Variants in GALNT18 observed in about 807,000 individuals in gnomAD.
GALNT18 encodes the protein GalNAc-transferase 18.
GALNT18 carries 44 observed loss-of-function variants against 69.5 expected under a neutral mutation model. The observed-to-expected ratio is 0.63, with a 90% CI of 0.50 to 0.81. The LOEUF (loss-of-function observed/expected upper bound fraction) is 0.81, where lower values mean the gene tolerates loss of function less well. GALNT18 is among the 40% of genes least tolerant of loss of function. The pLI is 0.00. For missense variants in GALNT18, 715 were observed against 810.0 expected (o/e 0.88, Z 1.42); for synonymous variants, 364 against 318.2 (o/e 1.14, Z -1.53).
chr11:11,324,725 T>C (rs1050220725), intron 9 of GALNT18, among the ~76,000 whole-genome samples: 13 of 152,216 alleles, frequency 8.5e-5, no homozygotes, highest in Non-Finnish European at 1.5e-4. Flanking sequence ...TGTCTATTCA[T>C]GTCCTTTGGC....
intron 1 of GALNT18, among the ~76,000 whole-genome samples, chr11:11,488,256 G>C (rs985638506): frequency 3.9e-5 from 6 of 152,206 alleles, no homozygotes; most frequent in Non-Finnish European, 8.8e-5. Context: ...TACTCCTCCT[G>C]CAGGCTCTCG....
intron 9 of GALNT18, among the ~76,000 whole-genome samples, chr11:11,300,252 T>TG (rs1470225346): frequency 6.6e-6 from 1 of 152,160 alleles, no homozygotes; most frequent in Non-Finnish European, 1.5e-5. Flanking sequence ...GAGGTATCTT[T>TG]GGGGCATTTA....
chr11:11,455,443 A>G (rs574891781), intron 1 of GALNT18, among the ~76,000 whole-genome samples: 1 of 152,144 alleles, frequency 6.6e-6, no homozygotes, highest in African/African-American at 2.4e-5. Flanking sequence ...AAGGCTTCCT[A>G]AAGGAAAAGA....
intron 2 of GALNT18, among the ~76,000 whole-genome samples, chr11:11,433,054 A>G (rs1447924207): frequency 6.6e-6 from 1 of 152,278 alleles, no homozygotes; most frequent in Admixed American, 6.5e-5. Flanking sequence ...TTAGGACAGC[A>G]CATGGCAGCT....
Position 11,432,651 on chromosome 11 carries a change from T to C in GALNT18, c.565A>G (p.Ile189Val), listed in dbSNP as rs762459442. The change falls in exon 3 of 11, where the codon ATC becomes GTC. Residue 189 changes from isoleucine to valine, a missense_variant. Ile to Val is a conservative substitution (Grantham distance 29). Coordinates refer to ENST00000227756, the MANE Select transcript of GALNT18 (RefSeq NM_198516.3). This position sits in a 1 kb window ranked among gnomAD's most constrained non-coding sequence, Gnocchi z 5.8. ...ERTPPHLLKE[I>V]ILVDDNSSNE... ...CTGCTGTTGTCATCCACCAGAATGA[T>C]CTCCTTGAGCAGATGTGGGGGCGTG... The C allele has an allele frequency of 6.2e-7, 1 of 1,610,982 alleles. No homozygotes were observed. The highest frequency in any genetic ancestry group is 2.2e-5 in the East Asian group (1 of 44,826).
chr11:11,479,057 T>C (rs927253898), intron 1 of GALNT18, among the ~76,000 whole-genome samples: 1 of 152,222 alleles, frequency 6.6e-6, no homozygotes, highest in African/African-American at 2.4e-5. Flanking sequence ...TGCCCTTGGC[T>C]CTCTAGCCCT....
chr11:11,614,362 A>AGAGGAGGAGGAG lies in GALNT18; in HGVS notation c.235+6985_235+6996dup, dbSNP rs10612380. On this transcript the variant is annotated intron_variant, in intron 1 of 10. Coordinates refer to ENST00000227756, the MANE Select transcript of GALNT18 (RefSeq NM_198516.3). The surrounding 1 kb of genome is among the most constrained non-coding windows in gnomAD (Gnocchi z 5.6). ...CAAGAGAGTGAGGAGAAGAAGAAGAAGAGGAGGAGGAGGAGGAGGAGGAGG... is the reference window on the plus strand; with the variant it reads ...CAAGAGAGTGAGGAGAAGAAGAAGAAGAGGAGGAGGAGGAGGAGGAGGAGGAGGAGGAGGAGG... Among the ~76,000 whole-genome samples, 144 of 146,414 alleles carry AGAGGAGGAGGAG rather than the reference A, an allele frequency of 9.8e-4. No homozygotes were observed. Among genetic ancestry groups the AGAGGAGGAGGAG allele is most frequent in the African/African-American group, 3.3e-3 (130 of 39,022 alleles).
At chr11:11,474,290 A>T (rs1034405498) in intron 1 of GALNT18, among the ~76,000 whole-genome samples, 1 of 152,200 alleles carries the variant, frequency 6.6e-6, no homozygotes, top group South Asian at 2.1e-4. Flanking sequence ...GACAGCAAGT[A>T]TAAAAGACTT....
chr11:11,463,209 G>GAC lies in GALNT18; in HGVS notation c.236-14275_236-14274dup, dbSNP rs10577248. On this transcript the variant is annotated intron_variant, in intron 1 of 10. Coordinates refer to ENST00000227756, the MANE Select transcript of GALNT18 (RefSeq NM_198516.3). The surrounding 1 kb of genome is among the most constrained non-coding windows in gnomAD (Gnocchi z 4.2). ...ACATACACACTCAGACAGACAGACA[G>GAC]ACACACACACACACACAGAGAGAGA... Among the ~76,000 whole-genome samples, 7 of 150,060 alleles carry GAC rather than the reference G, an allele frequency of 4.7e-5. No individual in the cohort carries two copies. The highest frequency in any genetic ancestry group is 2.0e-4 in the East Asian group (1 of 5,106).
At chr11:11,456,491 C>T (rs952590178) in intron 1 of GALNT18, among the ~76,000 whole-genome samples, 7 of 152,180 alleles carry the variant, frequency 4.6e-5, no homozygotes, top group African/African-American at 1.4e-4. Context: ...CCTCCAGGGC[C>T]CCCCTGCAAC....
In GALNT18 at chr11:11,465,478, G is replaced by A. The variant is rs12786876; in HGVS notation, c.236-16542C>T. Among the ~76,000 whole-genome samples the A allele has an allele frequency of 0.2, 30,517 of 152,070 alleles. 3,731 individuals carry two copies. Among genetic ancestry groups the A allele is most frequent in the Non-Finnish European group, 0.26 (17,573 of 67,964 alleles). On this transcript the variant is annotated intron_variant, in intron 1 of 10. Transcript: ENST00000227756. This position sits in a 1 kb window ranked among gnomAD's most constrained non-coding sequence, Gnocchi z 5.7. The stretch of plus-strand genomic sequence containing the variant: ...ACGCTGCCCTCTGATCCTGGGGCTC[G>A]TGATCCGTATCCATGGCAGCTCAGT...
rs1271572585 is a variant in GALNT18, at chr11:11,521,688, T to C, written c.236-72752A>G. Among the ~76,000 whole-genome samples, 10 of 152,244 alleles carry C rather than the reference T, an allele frequency of 6.6e-5. No individual in the cohort carries two copies. The South Asian group carries it at 1.7e-3, about 25-fold the overall frequency. The stretch of plus-strand genomic sequence containing the variant: ...AGAACAAAAATTGCTCAAAGCCACC[T>C]TCTTCCTAAACATAATTTACAGTAC... On this transcript the variant is annotated intron_variant, in intron 1 of 10. Coordinates refer to ENST00000227756, the MANE Select transcript of GALNT18 (RefSeq NM_198516.3).
intron 9 of GALNT18, among the ~76,000 whole-genome samples, chr11:11,302,768 C>T (rs538363088): frequency 4.9e-4 from 74 of 152,354 alleles, no homozygotes; most frequent in African/African-American, 1.6e-3. Flanking sequence ...GGAGCGACAT[C>T]GCACTCGGAT....
At position 11,316,358 on chromosome 11, in the gene GALNT18, G is replaced by A. The variant is rs144940059; in HGVS notation, c.1512+10728C>T. On this transcript the variant is annotated intron_variant, in intron 9 of 10. Coordinates refer to ENST00000227756, the MANE Select transcript of GALNT18 (RefSeq NM_198516.3). ...GACATTTAAATTCTTGGCACACAAA[G>A]GAAAACTTCTGCAATTGTCTCTGAG... is the stretch of plus-strand genomic sequence containing the variant. Among the ~76,000 whole-genome samples the A allele has an allele frequency of 3.6e-3, 549 of 152,270 alleles. 4 individuals are homozygous for A. Among genetic ancestry groups the A allele is most frequent in the African/African-American group, 0.013 (520 of 41,544 alleles).
At chr11:11,519,501 T>C (rs1424894624) in intron 1 of GALNT18, among the ~76,000 whole-genome samples, 1 of 152,194 alleles carries the variant, frequency 6.6e-6, no homozygotes, top group Non-Finnish European at 1.5e-5. Context: ...ATCAGCCTTC[T>C]GGGACCAAAA....
intron 9 of GALNT18, among the ~76,000 whole-genome samples, chr11:11,312,208 C>T (rs1232675528): frequency 2.0e-5 from 3 of 152,164 alleles, no homozygotes; most frequent in Non-Finnish European, 4.4e-5. Context: ...CTCGGCCTCC[C>T]AAAGTGCTGG....
rs1056616752 is a variant in GALNT18, at chr11:11,421,247, G to A, written c.595+11374C>T. Among the ~76,000 whole-genome samples the A allele has an allele frequency of 1.3e-5, 2 of 152,146 alleles. No homozygotes were observed. Among genetic ancestry groups the A allele is most frequent in the African/African-American group, 2.4e-5 (1 of 41,430 alleles). On this transcript the variant is annotated intron_variant, in intron 3 of 10. Transcript: ENST00000227756. This position sits in a 1 kb window ranked among gnomAD's most constrained non-coding sequence, Gnocchi z 5.6. ...CAGCAGAGAGGCCGGTGAGAGCAGA[G>A]AAGAGGCTGGCAACATGCAGGACTA...
At chr11:11,316,570 G>A (rs7930504) in intron 9 of GALNT18, among the ~76,000 whole-genome samples, 63,307 of 152,078 alleles carry the variant, frequency 0.42, 13,957 homozygotes, top group Middle Eastern at 0.58. Context: ...GCACTTCCTG[G>A]AGCATAAATG....
intron 6 of GALNT18, among the ~76,000 whole-genome samples, chr11:11,368,299 A>G (rs564380489): frequency 8.6e-4 from 131 of 152,242 alleles, no homozygotes; most frequent in Non-Finnish European, 1.4e-3. Context: ...ATATCTTTAT[A>G]TTTACCTCAC....
Sources: allele counts gnomAD v4.1 joint callset (sites outside exome capture counted in the v4.1 genomes callset), GRCh38; gene constraint gnomAD v4.1.1; non-coding constraint Gnocchi (gnomAD v3.1); transcripts MANE v1.5; gene names NCBI Gene and HGNC (gene_info 2026-07-23, HGNC 2026-07-21).